Variants in MSH6 observed in about 807,000 individuals in gnomAD.
MSH6 encodes DNA mismatch repair protein Msh6.
Under a neutral mutation model 119.1 loss-of-function variants are expected in MSH6, and 85 were observed. The ratio of observed to expected loss-of-function variants is 0.71; its 90% CI spans 0.60 to 0.85. The LOEUF is 0.85. Among genes scored for constraint, MSH6 ranks in the 40% least tolerant of loss-of-function variants. MSH6 has a pLI of 0.00. For missense variants in MSH6, 2,163 were observed against 1,655.3 expected, an observed-to-expected ratio of 1.31 and a Z score of -5.32; for synonymous variants, 830 against 586.9, an observed-to-expected ratio of 1.41 and a Z score of -5.99.
chr2:47,801,495 G>A (rs915277536), intron 4 of MSH6, among the ~76,000 whole-genome samples: 2 of 145,100 alleles, frequency 1.4e-5, no homozygotes, highest in Non-Finnish European at 3.0e-5. Context: ...AGCCTCCCAA[G>A]TAGCTGAGAT....
rs1558650125 is a variant in MSH6, at chr2:47,788,908, TTTTTTTTTTTTTTG to T, written c.261-2005_261-1992del. 2.3e-3 allele frequency among the ~76,000 whole-genome samples: 85 copies of T among 37,582 alleles called. 5 individuals are homozygous for T. Among genetic ancestry groups the T allele is most frequent in the East Asian group, 0.013 (16 of 1,224 alleles). The allele number at this position is 37,582 out of a possible 152,430, so 24.7% of individuals were successfully genotyped here. A position where few individuals can be genotyped will look rare whatever the true frequency, so the allele number is the denominator to read the frequency against. On this transcript the variant is annotated intron_variant, in intron 1 of 9. Coordinates refer to ENST00000234420, the MANE Select transcript of MSH6 (RefSeq NM_000179.3). Reference sequence around the variant, plus strand: ...TATTTCTTTCTTTCTTTCTTCTTCCTTTTTTTTTTTTTTGTTTTTTTTTTTTTTTTTTTTTTTTT... The same window carrying T: ...TATTTCTTTCTTTCTTTCTTCTTCCTTTTTTTTTTTTTTTTTTTTTTTTTT...
Position 47,805,035 on chromosome 2 carries a change from T to A in MSH6, c.3556+8T>A, listed in dbSNP as rs1572739154. 1 of 1,584,856 alleles carries A rather than the reference T, an allele frequency of 6.3e-7. No homozygotes were observed. Among genetic ancestry groups the A allele is most frequent in the Non-Finnish European group, 8.7e-7 (1 of 1,153,334 alleles). ...CAGACAGAATAATGTCAGGTGAGTTTTTTGTTTCCCACTTAAGTTCTCATT... is the reference window on the plus strand; with the variant it reads ...CAGACAGAATAATGTCAGGTGAGTTATTTGTTTCCCACTTAAGTTCTCATT... On this transcript the variant is annotated splice_region_variant and intron_variant, in intron 6 of 9. Coordinates refer to ENST00000234420, the MANE Select transcript of MSH6 (RefSeq NM_000179.3).
chr2:47,804,222 T>A (rs1669806945), intron 5 of MSH6, among the ~76,000 whole-genome samples: 1 of 152,104 alleles, frequency 6.6e-6, no homozygotes, highest in South Asian at 2.1e-4. Flanking sequence ...CCCTTCCTCC[T>A]GCCTCAGCCT....
At chr2:47,792,129 A>T (rs1668767132) in intron 2 of MSH6, among the ~76,000 whole-genome samples, 1 of 152,108 alleles carries the variant, frequency 6.6e-6, no homozygotes, top group African/African-American at 2.4e-5. Context: ...TATAGGCGTG[A>T]GCCACTGTGC....
chr2:47,798,379 G>C (rs540340403), intron 3 of MSH6, among the ~76,000 whole-genome samples: 1 of 152,286 alleles, frequency 6.6e-6, no homozygotes, highest in East Asian at 1.9e-4. Flanking sequence ...TCTCAGACGT[G>C]CTCAGAACAC....
At position 47,783,420 on chromosome 2, in the gene MSH6, T is replaced by G. The variant is rs763702846; in HGVS notation, c.187T>G (p.Ser63Ala). Reference sequence around the variant, plus strand: ...GCCTGGGCCCAGGCCCTTGGCGCGCTCCGCGTCACCGCCCAAGGCGAAGAA... The same window carrying G: ...GCCTGGGCCCAGGCCCTTGGCGCGCGCCGCGTCACCGCCCAAGGCGAAGAA... ...AGPGPRPLAR[S>A]ASPPKAKNLN... Residue 63 changes from serine to alanine, a missense_variant, in exon 1 of 10, where the codon TCC (serine) becomes GCC (alanine). By Grantham distance (99) the Ser-to-Ala change is moderately conservative. Transcript: ENST00000234420. 8 of 1,510,634 alleles carry G rather than the reference T, an allele frequency of 5.3e-6. No homozygotes were observed. The highest frequency in any genetic ancestry group is 6.2e-6 in the Non-Finnish European group (7 of 1,131,466). The allele number at this position is 1,510,634 out of a possible 1,614,324, so 93.6% of individuals were successfully genotyped here.
At position 47,806,182 on chromosome 2, in the gene MSH6, T is replaced by C. The variant is rs1287162658; in HGVS notation, c.3647-22T>C. ...TTTTAATTCCTTTGAGTTACTTCCT[T>C]ATGCATATTTTACTTTAACAGGAAG... On this transcript the variant is annotated intron_variant, in intron 7 of 9. Coordinates refer to ENST00000234420, the MANE Select transcript of MSH6 (RefSeq NM_000179.3). The C allele has an allele frequency of 1.9e-6, 3 of 1,611,462 alleles. No individual in the cohort carries two copies. In the South Asian group the frequency reaches 3.3e-5, roughly 18 times the overall value.
intron 2 of MSH6, among the ~76,000 whole-genome samples, chr2:47,795,050 C>G (rs944034798): frequency 6.6e-6 from 1 of 152,136 alleles, no homozygotes; most frequent in African/African-American, 2.4e-5. Context: ...GCTTCTGCCT[C>G]CCAGAGTGCT....
intron 5 of MSH6, among the ~76,000 whole-genome samples, chr2:47,803,890 T>C (rs1669787288): frequency 1.3e-5 from 2 of 152,194 alleles, no homozygotes; most frequent in Admixed American, 1.3e-4. Context: ...GAATATATGT[T>C]AAAAAGGGGA....
chr2:47,789,534 C>T (rs945097777), intron 1 of MSH6: 3 of 405,894 alleles, frequency 7.4e-6, no homozygotes, highest in African/African-American at 4.3e-5. Flanking sequence ...AGACCTCATA[C>T]ATCATTTAAA....
intron 1 of MSH6, chr2:47,784,720 C>CA (rs1476468595): frequency 1.3e-5 from 2 of 152,246 alleles, no homozygotes; most frequent in African/African-American, 2.4e-5. Context: ...GCCTCGGCCT[C>CA]AAAGTGCTGG....
intron 2 of MSH6, among the ~76,000 whole-genome samples, chr2:47,792,682 A>T (rs1243110048): frequency 1.3e-5 from 2 of 151,714 alleles, no homozygotes; most frequent in African/African-American, 4.8e-5. Context: ...TTTTCTTTTC[A>T]AGAGATGGGG....
Position 47,783,150 on chromosome 2 carries a change from T to G in MSH6, c.-84T>G. On this transcript the variant is annotated 5_prime_UTR_variant, in exon 1 of 10. Coordinates refer to ENST00000234420, the MANE Select transcript of MSH6 (RefSeq NM_000179.3). ...GGCGGAGCGCGCCTCCCCCCAGATT[T>G]CCCGCCAGCAGGAGCCGCGCGGTAG... The G allele has an allele frequency of 1.9e-6, 3 of 1,576,048 alleles. No individual in the cohort carries two copies. The highest frequency in any genetic ancestry group is 2.6e-6 in the Non-Finnish European group (3 of 1,159,568).
rs774303198 is a variant in MSH6, at chr2:47,791,032, G to A, written c.366G>A (p.Glu122=). 106 of 1,614,086 alleles carry A rather than the reference G, an allele frequency of 6.6e-5. No individual in the cohort carries two copies. Among genetic ancestry groups the A allele is most frequent in the Admixed American group, 5.2e-4 (31 of 60,002 alleles). The stretch of plus-strand genomic sequence containing the variant: ...CCTTTGATGGAACATTCATCCGCGA[G>A]AAAGGGAAATCAGTCCGTGTTCATG... ...NHPFDGTFIR[E]KGKSVRVHVQ... Residue 122 remains glutamate, a synonymous_variant, in exon 2 of 10, where the codon GAG becomes GAA. Transcript: ENST00000234420.
intron 1 of MSH6, among the ~76,000 whole-genome samples, chr2:47,788,900 CTTCTTCCTTT>C (rs1668522287): frequency 2.1e-5 from 1 of 47,292 alleles, no homozygotes; most frequent in Non-Finnish European, 4.1e-5. Context: ...TTCTTTCTTT[CTTCTTCCTTT>C]TTTTTTTTTT....
chr2:47,806,926 T>A lies in MSH6; in HGVS notation c.*66T>A. On this transcript the variant is annotated 3_prime_UTR_variant, in exon 10 of 10. Transcript: ENST00000234420. ...GTGGTAAATTCAGACAACATTATGA[T>A]CTAATAAACTTTATTTTTTAAAAAT... is the stretch of plus-strand genomic sequence containing the variant. The A allele has an allele frequency of 8.6e-7, 1 of 1,169,218 alleles. No homozygotes were observed. The highest frequency in any genetic ancestry group is 1.3e-6 in the Non-Finnish European group (1 of 788,398). 72.4% of individuals were successfully genotyped at this position (1,169,218 alleles called of 1,614,324 possible).
intron 9 of MSH6, 57 bp downstream of exon 9, chr2:47,806,708 A>G (rs943964666): frequency 1.6e-4 from 252 of 1,580,762 alleles, no homozygotes; most frequent in Non-Finnish European, 2.1e-4. Context: ...TCAAAGAAAC[A>G]GTAAAAGGGG....
downstream of MSH6, chr2:47,809,530 A>T (rs1217223735): frequency 8.7e-7 from 1 of 1,145,322 alleles, no homozygotes; most frequent in Non-Finnish European, 1.3e-6. Context: ...GAATCAAGTT[A>T]TAAAACGGCT....
rs1064793342 is a variant in MSH6, at chr2:47,800,598, T to C, written c.2615T>C (p.Ile872Thr). ...LEGFKVMCKI[I>T]GIMEEVADGF... Reference sequence around the variant, plus strand: ...GGATTCAAAGTAATGTGTAAAATTATAGGGATCATGGAAGAAGTTGCTGAT... The same window carrying C: ...GGATTCAAAGTAATGTGTAAAATTACAGGGATCATGGAAGAAGTTGCTGAT... Residue 872 changes from isoleucine (I) to threonine (T), a missense_variant, in exon 4 of 10, where the codon ATA (isoleucine) becomes ACA (threonine). Transcript: ENST00000234420. The C allele has an allele frequency of 5.0e-6, 8 of 1,614,068 alleles. No homozygotes were observed. The East Asian group carries it at 1.3e-4, about 27-fold the overall frequency.
Sources: gnomAD v4.1 joint callset for allele counts (sites outside exome capture counted in the v4.1 genomes callset) on GRCh38, gnomAD v4.1.1 for gene constraint, MANE v1.5 for transcripts, NCBI Gene and HGNC (gene_info 2026-07-23, HGNC 2026-07-21) for gene names.